The following DPP10 variants were observed in gnomAD, a reference collection of about 807,000 sequenced individuals.
DPP10 encodes dipeptidyl peptidase like 10.
Under a neutral mutation model 120.9 loss-of-function variants are expected in DPP10, and 33 were observed. That is an observed-to-expected ratio of 0.27 (90% CI 0.21 to 0.37). DPP10 has a LOEUF of 0.37. Ranked by LOEUF, DPP10 falls within the 10% of genes least tolerant of loss-of-function variation. The pLI is 1.00. For missense variants in DPP10, 816 were observed against 942.8 expected (o/e 0.87, Z 1.76); for synonymous variants, 337 against 326.1 (o/e 1.03, Z -0.36).
intron 1 of DPP10, among the ~76,000 whole-genome samples, chr2:114,628,964 C>T (rs1174698428): frequency 6.6e-6 from 1 of 152,100 alleles, no homozygotes; most frequent in Admixed American, 6.6e-5. Flanking sequence ...TCCTAGAATG[C>T]ACAGCTAAGA....
chr2:115,625,253 T>G (rs529718872), intron 5 of DPP10, among the ~76,000 whole-genome samples: 9 of 152,140 alleles, frequency 5.9e-5, no homozygotes, highest in Non-Finnish European at 1.3e-4. Flanking sequence ...ATTCACAATA[T>G]TATCTTCACA....
chr2:114,956,556 G>A (rs1171053677), intron 1 of DPP10, among the ~76,000 whole-genome samples: 1 of 152,058 alleles, frequency 6.6e-6, no homozygotes, highest in African/African-American at 2.4e-5. Context: ...CAGTCTGTAT[G>A]AAAATCAAAA....
chr2:115,801,718 T>G (rs980473870), intron 19 of DPP10, among the ~76,000 whole-genome samples: 2 of 152,220 alleles, frequency 1.3e-5, no homozygotes, highest in African/African-American at 4.8e-5. Flanking sequence ...TGGTTCTGTT[T>G]ATATGCTGGA....
rs563161636 is a variant in DPP10, at chr2:115,081,594, T to C, written c.61-227645T>C. 2.6e-5 allele frequency among the ~76,000 whole-genome samples: 4 copies of C among 152,360 alleles called. 1 individual carries two copies. The highest frequency in any genetic ancestry group is 2.6e-4 in the Admixed American group (4 of 15,302). On this transcript the variant is annotated intron_variant, in intron 1 of 25. Coordinates refer to ENST00000410059, the MANE Select transcript of DPP10 (RefSeq NM_020868.6). Reference sequence around the variant, plus strand: ...ATTACTTATTAATAAATATCTGATGTCTTTACCTTTTGCTGTGGTTCCGTT... The same window carrying C: ...ATTACTTATTAATAAATATCTGATGCCTTTACCTTTTGCTGTGGTTCCGTT...
At chr2:115,330,236 C>G (rs1342424023) in intron 2 of DPP10, among the ~76,000 whole-genome samples, 5 of 152,232 alleles carry the variant, frequency 3.3e-5, no homozygotes, top group Admixed American at 6.5e-5. Context: ...TAAATGTCTT[C>G]TTTTGAGAAG....
chr2:115,052,810 G>A (rs188343657), intron 1 of DPP10, among the ~76,000 whole-genome samples: 1 of 152,204 alleles, frequency 6.6e-6, no homozygotes, highest in East Asian at 1.9e-4. Context: ...AAATTAGCCG[G>A]ACGCGGTGGC....
intron 1 of DPP10, among the ~76,000 whole-genome samples, chr2:114,970,253 T>C (rs866530683): frequency 7.9e-5 from 12 of 152,124 alleles, no homozygotes; most frequent in African/African-American, 2.7e-4. Flanking sequence ...AAAATCTAGA[T>C]ATGACTTAGG....
intron 1 of DPP10, among the ~76,000 whole-genome samples, chr2:114,609,323 T>C (rs1693089901): frequency 6.6e-6 from 1 of 152,172 alleles, no homozygotes; most frequent in Admixed American, 6.5e-5. Flanking sequence ...TATCCTTGAC[T>C]TGTGTCTCCC....
intron 1 of DPP10, among the ~76,000 whole-genome samples, chr2:114,805,766 C>A (rs1022328825): frequency 2.0e-5 from 3 of 152,110 alleles, no homozygotes; most frequent in Non-Finnish European, 2.9e-5. Flanking sequence ...GCTTCCTATG[C>A]CAGAGAGAAA....
chr2:115,043,737 A>C (rs1035273750), intron 1 of DPP10, among the ~76,000 whole-genome samples: 14 of 152,186 alleles, frequency 9.2e-5, no homozygotes, highest in African/African-American at 3.4e-4. Context: ...TATGGAGAAA[A>C]CGTTTAAAAA....
At chr2:115,783,833 A>G (rs1683043973) in intron 17 of DPP10, among the ~76,000 whole-genome samples, 1 of 152,184 alleles carries the variant, frequency 6.6e-6, no homozygotes, top group African/African-American at 2.4e-5. Flanking sequence ...GTGGGATCCA[A>G]GACAGTGCGT....
chr2:115,097,499 T>C (rs904339383), intron 1 of DPP10, among the ~76,000 whole-genome samples: 1 of 152,216 alleles, frequency 6.6e-6, no homozygotes, highest in Non-Finnish European at 1.5e-5. Context: ...AAAATGAACA[T>C]GTAATACATT....
At chr2:114,626,001 T>C (rs976119322) in intron 1 of DPP10, among the ~76,000 whole-genome samples, 1 of 151,738 alleles carries the variant, frequency 6.6e-6, no homozygotes, top group Non-Finnish European at 1.5e-5. Flanking sequence ...ATACTTTTTT[T>C]TTTTAGAAAA....
intron 1 of DPP10, among the ~76,000 whole-genome samples, chr2:114,865,185 A>G (rs936431428): frequency 6.6e-6 from 1 of 152,220 alleles, no homozygotes; most frequent in Admixed American, 6.5e-5. Flanking sequence ...AGGTGTTTAC[A>G]TACGCTGGTA....
At chr2:114,494,848 A>G (rs1034818893) in intron 1 of DPP10, among the ~76,000 whole-genome samples, 1 of 152,204 alleles carries the variant, frequency 6.6e-6, no homozygotes, top group Non-Finnish European at 1.5e-5. Context: ...TATTAGTGAT[A>G]GAATGGGCCA....
intron 1 of DPP10, among the ~76,000 whole-genome samples, chr2:114,708,990 A>C (rs1700855166): frequency 6.6e-6 from 1 of 152,154 alleles, no homozygotes; most frequent in Non-Finnish European, 1.5e-5. Context: ...TCCTGGCCTC[A>C]AGGGACCCAC....
chr2:115,816,124 C>G (rs1412179392), intron 21 of DPP10, among the ~76,000 whole-genome samples: 1 of 151,870 alleles, frequency 6.6e-6, no homozygotes. Context: ...AGAAGTAGAA[C>G]AACAACAGGA....
chr2:115,082,493 A>G (rs1708355067), intron 1 of DPP10, among the ~76,000 whole-genome samples: 2 of 152,218 alleles, frequency 1.3e-5, no homozygotes, highest in Admixed American at 6.5e-5. Flanking sequence ...AGCTTTTTGA[A>G]AAATGATGTG....
At chr2:114,955,142 CA>C (rs1698104219) in intron 1 of DPP10, among the ~76,000 whole-genome samples, 1 of 152,142 alleles carries the variant, frequency 6.6e-6, no homozygotes, top group African/African-American at 2.4e-5. Flanking sequence ...GCTGGTTGCC[CA>C]TTTTTATGGT....
Sources: allele counts gnomAD v4.1 joint callset (sites outside exome capture counted in the v4.1 genomes callset), GRCh38; gene constraint gnomAD v4.1.1; transcripts MANE v1.5; gene names NCBI Gene and HGNC (gene_info 2026-07-23, HGNC 2026-07-21).